The following PTPRZ1 variants were observed in gnomAD, a reference collection of about 807,000 sequenced individuals.
The protein encoded by PTPRZ1 is protein tyrosine phosphatase receptor type Z1.
In PTPRZ1, 82 loss-of-function variants were observed where a neutral mutation model predicts 214.1. That is an observed-to-expected ratio of 0.38 (90% CI 0.32 to 0.46). PTPRZ1 has a LOEUF of 0.46. PTPRZ1 is among the 20% of genes least tolerant of loss of function. The pLI is 1.00. For synonymous variants in PTPRZ1, 945 were observed against 987.9 expected, an observed-to-expected ratio of 0.96 and a Z score of 0.81; for missense variants, 2,603 against 2,748.7, an observed-to-expected ratio of 0.95 and a Z score of 1.19.
intron 2 of PTPRZ1, among the ~76,000 whole-genome samples, chr7:121,944,016 TAAC>T (rs574399214): frequency 7.2e-5 from 11 of 152,370 alleles, no homozygotes; most frequent in African/African-American, 2.6e-4. Flanking sequence ...GTGTAACATG[TAAC>T]AACATTGAAA....
At chr7:121,975,221 C>T (rs2116538998) in intron 4 of PTPRZ1, among the ~76,000 whole-genome samples, 1 of 152,226 alleles carries the variant, frequency 6.6e-6, no homozygotes, top group East Asian at 1.9e-4. Context: ...CAGTTTTTCT[C>T]CTAAATACCA....
chr7:122,007,898 G>A (rs1432000114), intron 11 of PTPRZ1, among the ~76,000 whole-genome samples: 1 of 152,106 alleles, frequency 6.6e-6, no homozygotes, highest in Non-Finnish European at 1.5e-5. Context: ...TGAATGATAT[G>A]TTCTTCTTAA....
intron 8 of PTPRZ1, among the ~76,000 whole-genome samples, chr7:121,989,262 A>G (rs1797866603): frequency 6.6e-6 from 1 of 152,188 alleles, no homozygotes; most frequent in Admixed American, 6.5e-5. Context: ...CACAGAAATT[A>G]GTTGTTTCTT....
intron 1 of PTPRZ1, among the ~76,000 whole-genome samples, chr7:121,911,074 A>G (rs1374529893): frequency 6.6e-6 from 1 of 152,158 alleles, no homozygotes; most frequent in Non-Finnish European, 1.5e-5. Context: ...TTTACAGTTT[A>G]GCTTGCCTGT....
chr7:121,917,814 A>T (rs1430720364), intron 1 of PTPRZ1, among the ~76,000 whole-genome samples: 4 of 152,096 alleles, frequency 2.6e-5, no homozygotes, highest in African/African-American at 9.7e-5. Flanking sequence ...AAAGAGGCAT[A>T]AAAAAATATG....
rs751187241 is a variant in PTPRZ1 at position 122,013,423 on chromosome 7, A to C, written c.4377A>C (p.Ser1459=). Residue 1459 remains serine, a synonymous_variant, in exon 12 of 30, where the codon TCA becomes TCC. Transcript: ENST00000393386. The stretch of plus-strand genomic sequence containing the variant: ...CACAGGAAAAGGTAATGAATGATTC[A>C]GACACCCACGAAAACAGTCTTATGG... ...RESQEKVMND[S]DTHENSLMDQ... 1 of 1,614,212 alleles carries C rather than the reference A, an allele frequency of 6.2e-7. No individual in the cohort carries two copies. The highest frequency in any genetic ancestry group is 8.5e-7 in the Non-Finnish European group (1 of 1,180,036).
At position 122,054,047 on chromosome 7, in the gene PTPRZ1, C is replaced by T. The variant is rs776806557; in HGVS notation, c.6381+9C>T. On this transcript the variant is annotated intron_variant, in intron 26 of 29. Transcript: ENST00000393386. ...CTGATGGCCAAAACATGGTAAGTCCCTTAGACCACTTTTGGGACTTCCTTT... is the reference window on the plus strand; with the variant it reads ...CTGATGGCCAAAACATGGTAAGTCCTTTAGACCACTTTTGGGACTTCCTTT... 6.2e-7 allele frequency: 1 copy of T among 1,612,018 alleles called. No individual in the cohort carries two copies. Among genetic ancestry groups the T allele is most frequent in the African/African-American group, 1.3e-5 (1 of 74,812 alleles).
intron 18 of PTPRZ1, among the ~76,000 whole-genome samples, chr7:122,037,656 T>C (rs1167729316): frequency 6.6e-6 from 1 of 152,204 alleles, no homozygotes; most frequent in East Asian, 1.9e-4. Flanking sequence ...AAAGTGGGTT[T>C]GTTACAGGCA....
chr7:121,974,494 T>C (rs904346628), intron 4 of PTPRZ1, among the ~76,000 whole-genome samples: 1 of 152,184 alleles, frequency 6.6e-6, no homozygotes, highest in Non-Finnish European at 1.5e-5. Context: ...TTGTTGTTGT[T>C]GTTGTTGCTT....
chr7:121,913,205 G>C (rs1322834016), intron 1 of PTPRZ1, among the ~76,000 whole-genome samples: 1 of 152,162 alleles, frequency 6.6e-6, no homozygotes, highest in African/African-American at 2.4e-5. Context: ...TGGGTGAGGA[G>C]GCAGAGAAAG....
At chr7:122,037,314 T>G (rs1452615699) in intron 18 of PTPRZ1, among the ~76,000 whole-genome samples, 3 of 152,160 alleles carry the variant, frequency 2.0e-5, no homozygotes, top group African/African-American at 7.2e-5. Flanking sequence ...CAAGGCTTAT[T>G]TTAAGTTTCC....
intron 1 of PTPRZ1, among the ~76,000 whole-genome samples, chr7:121,893,280 C>T (rs563734952): frequency 3.3e-5 from 5 of 152,242 alleles, no homozygotes; most frequent in African/African-American, 1.2e-4. Context: ...GTGGTTCAAA[C>T]AAGAATAGAT....
intron 1 of PTPRZ1, among the ~76,000 whole-genome samples, chr7:121,905,085 C>T (rs1011375971): frequency 7.2e-5 from 11 of 152,118 alleles, no homozygotes; most frequent in South Asian, 6.2e-4. Context: ...TGATTTGAAC[C>T]TTCGTATATG....
At chr7:121,965,429 G>A (rs1170171394) in intron 2 of PTPRZ1, among the ~76,000 whole-genome samples, 2 of 151,978 alleles carry the variant, frequency 1.3e-5, no homozygotes, top group Non-Finnish European at 2.9e-5. Context: ...TATAAGCCTG[G>A]TTATGCTCTC....
At chr7:122,024,657 A>G (rs749813033) in intron 13 of PTPRZ1, among the ~76,000 whole-genome samples, 25 of 152,098 alleles carry the variant, frequency 1.6e-4, no homozygotes, top group Admixed American at 5.9e-4. Flanking sequence ...AGGGAAATTA[A>G]TGCCAAATAG....
At chr7:121,961,457 C>T (rs928590954) in intron 2 of PTPRZ1, among the ~76,000 whole-genome samples, 1 of 152,210 alleles carries the variant, frequency 6.6e-6, no homozygotes, top group Admixed American at 6.5e-5. Context: ...TCAAGGCCTG[C>T]ATTAGTGTGT....
chr7:122,051,974 T>C, intron 25 of PTPRZ1, 35 bp downstream of exon 25: 1 of 1,547,812 alleles, frequency 6.5e-7, no homozygotes, highest in Non-Finnish European at 8.8e-7. Context: ...GACTGCCAGC[T>C]TGTGTTACAG....
intron 23 of PTPRZ1, 107 bp downstream of exon 23, chr7:122,044,675 G>A: frequency 4.3e-6 from 5 of 1,150,534 alleles, no homozygotes; most frequent in Admixed American, 2.5e-5. Flanking sequence ...TGGGTACAAT[G>A]ACTTTGTATT....
chr7:121,917,810 G>A (rs1795469441), intron 1 of PTPRZ1, among the ~76,000 whole-genome samples: 1 of 151,996 alleles, frequency 6.6e-6, no homozygotes, highest in Non-Finnish European at 1.5e-5. Context: ...GTGAAAAGAG[G>A]CATAAAAAAA....
Sources: allele counts gnomAD v4.1 joint callset (sites outside exome capture counted in the v4.1 genomes callset), GRCh38; gene constraint gnomAD v4.1.1; transcripts MANE v1.5; gene names NCBI Gene and HGNC (gene_info 2026-07-23, HGNC 2026-07-21).